Variants in SNTG2 observed in about 807,000 individuals in gnomAD.
SNTG2 encodes the protein syntrophin gamma 2.
Under a neutral mutation model 70.9 loss-of-function variants are expected in SNTG2, and 74 were observed. The observed-to-expected ratio is 1.04, with a 90% CI of 0.86 to 1.27. The LOEUF (loss-of-function observed/expected upper bound fraction) is 1.27. Ranked by LOEUF, SNTG2 falls within the 50% of genes most tolerant of loss-of-function variation. SNTG2 has a pLI of 0.00. For synonymous variants in SNTG2, 278 were observed against 273.8 expected, an observed-to-expected ratio of 1.02 and a Z score of -0.15; for missense variants, 717 against 690.7, an observed-to-expected ratio of 1.04 and a Z score of -0.43.
intron 13 of SNTG2, among the ~76,000 whole-genome samples, chr2:1,266,762 T>TTTTTTTTTC (rs1465377514): frequency 6.8e-6 from 1 of 146,494 alleles, no homozygotes; most frequent in Admixed American, 6.8e-5. Flanking sequence ...TTTTTTTTTT[T>TTTTTTTTTC]TTTCTTGAGA....
intron 8 of SNTG2, among the ~76,000 whole-genome samples, chr2:1,203,614 A>AT (rs1370319317): frequency 6.6e-6 from 1 of 151,116 alleles, no homozygotes; most frequent in Non-Finnish European, 1.5e-5. Flanking sequence ...AGATCACACC[A>AT]TTGCACTCCA....
chr2:993,749 G>T (rs558427057), intron 1 of SNTG2, among the ~76,000 whole-genome samples: 2 of 151,888 alleles, frequency 1.3e-5, no homozygotes, highest in African/African-American at 4.8e-5. Flanking sequence ...TGGTGGCTTT[G>T]ATTTGCATTT....
Position 1,031,960 on chromosome 2 carries a change from TG to T in SNTG2, c.73-51556del, listed in dbSNP as rs748208879. Among the ~76,000 whole-genome samples, 4 of 152,172 alleles carry T rather than the reference TG, an allele frequency of 2.6e-5. No individual in the cohort carries two copies. The East Asian group carries it at 5.8e-4, about 22-fold the overall frequency. ...GGAAATGTTCTAAAATTAGCAGTGA[TG>T]GTTGCACAACTCTGTGAATACAGTA... is the stretch of plus-strand genomic sequence containing the variant. On this transcript the variant is annotated intron_variant, in intron 1 of 16. Coordinates refer to ENST00000308624, the MANE Select transcript of SNTG2 (RefSeq NM_018968.4).
At chr2:1,208,358 G>A (rs774353544) in intron 8 of SNTG2, among the ~76,000 whole-genome samples, 53 of 142,532 alleles carry the variant, frequency 3.7e-4, no homozygotes, top group Middle Eastern at 3.3e-3. Context: ...CGTTCTTGCC[G>A]GTCGCTGGGG....
intron 1 of SNTG2, among the ~76,000 whole-genome samples, chr2:960,486 A>G (rs1368821021): frequency 6.6e-6 from 1 of 152,236 alleles, no homozygotes; most frequent in Non-Finnish European, 1.5e-5. Context: ...CTCAGGGTTC[A>G]GCTGGATGCA....
intron 1 of SNTG2, among the ~76,000 whole-genome samples, chr2:1,030,261 G>T (rs1283489953): frequency 3.9e-5 from 6 of 152,192 alleles, no homozygotes; most frequent in African/African-American, 9.7e-5. Context: ...TGTGCCTGGT[G>T]CAGTGCGTGT....
intron 1 of SNTG2, among the ~76,000 whole-genome samples, chr2:1,008,469 A>G (rs886185762): frequency 8.5e-5 from 13 of 152,210 alleles, no homozygotes; most frequent in Admixed American, 4.6e-4. Flanking sequence ...TCACATGACA[A>G]TCATCACATA....
At chr2:984,858 G>T (rs2147971365) in intron 1 of SNTG2, among the ~76,000 whole-genome samples, 1 of 152,274 alleles carries the variant, frequency 6.6e-6, no homozygotes, top group African/African-American at 2.4e-5. Flanking sequence ...CAAGTCTAAT[G>T]CTTATTTTAT....
intron 16 of SNTG2, among the ~76,000 whole-genome samples, chr2:1,360,035 TTCTA>T (rs1356922145): frequency 7.4e-6 from 1 of 135,662 alleles, no homozygotes; most frequent in African/African-American, 2.7e-5. Flanking sequence ...ACTGAACAAA[TTCTA>T]TCCCATTTTT....
chr2:966,973 AC>A (rs1660590892), intron 1 of SNTG2, among the ~76,000 whole-genome samples: 1 of 152,038 alleles, frequency 6.6e-6, no homozygotes, highest in South Asian at 2.1e-4. Context: ...AAACAAAAAA[AC>A]AAATAATAGT....
chr2:1,222,129 C>CTCTCTGTCTCTCTCTGTCTCTGTCTA (rs1675234472), intron 9 of SNTG2, among the ~76,000 whole-genome samples: 1 of 97,850 alleles, frequency 1.0e-5, no homozygotes, highest in African/African-American at 3.8e-5. Context: ...CTCTCTGTCT[C>CTCTCTGTCTCTCTCTGTCTCTGTCTA]TCTCTGTCTC....
rs567160009 is a variant in SNTG2 at position 960,868 on chromosome 2, G to A, written c.72+9800G>A. Among the ~76,000 whole-genome samples the A allele has an allele frequency of 2.0e-5, 3 of 152,268 alleles. 1 individual carries two copies. In the South Asian group the frequency reaches 6.2e-4, roughly 32 times the overall value. ...GGGCATGGCTGTTGGTTCTGAAGGG[G>A]GTGCTCCTACTGCCTGCTCATGGTC... On this transcript the variant is annotated intron_variant, in intron 1 of 16. Coordinates refer to ENST00000308624, the MANE Select transcript of SNTG2 (RefSeq NM_018968.4).
intron 8 of SNTG2, among the ~76,000 whole-genome samples, chr2:1,193,602 A>AG (rs1417484348): frequency 7.2e-6 from 1 of 138,878 alleles, no homozygotes; most frequent in Non-Finnish European, 1.6e-5. Context: ...TGAATAAAGA[A>AG]GAAAAAAAAA....
chr2:1,211,536 A>G (rs942790639), intron 9 of SNTG2, among the ~76,000 whole-genome samples: 1 of 152,142 alleles, frequency 6.6e-6, no homozygotes, highest in Non-Finnish European at 1.5e-5. Flanking sequence ...ATTTATAAAG[A>G]AAAAGAGGTT....
chr2:1,364,146 A>AT (rs57194458), intron 16 of SNTG2, among the ~76,000 whole-genome samples: 316 of 147,376 alleles, frequency 2.1e-3, no homozygotes, highest in Middle Eastern at 7.0e-3. Context: ...AATTTTTAGT[A>AT]TTTTTTTTTT....
chr2:1,157,773 A>G (rs1669999601), intron 6 of SNTG2, among the ~76,000 whole-genome samples: 2 of 152,180 alleles, frequency 1.3e-5, no homozygotes, highest in Admixed American at 6.5e-5. Flanking sequence ...TCTGGTGTGC[A>G]CAGACTAGAG....
intron 1 of SNTG2, among the ~76,000 whole-genome samples, chr2:1,053,379 A>G (rs1662184168): frequency 6.6e-6 from 1 of 152,198 alleles, no homozygotes; most frequent in African/African-American, 2.4e-5. Context: ...AAACTTTAAT[A>G]ACATATAATT....
Position 1,221,977 on chromosome 2 carries a change from C to G in SNTG2, c.719+12747C>G, listed in dbSNP as rs1360337608. 3.8e-5 allele frequency among the ~76,000 whole-genome samples: 2 copies of G among 52,560 alleles called. 1 individual carries two copies. The highest frequency in any genetic ancestry group is 2.4e-4 in the African/African-American group (2 of 8,304). 34.5% of individuals were successfully genotyped at this position (52,560 alleles called of 152,430 possible). A position where few individuals can be genotyped will look rare whatever the true frequency, so the allele number is the denominator to read the frequency against. ...TCTCTGTCTCTCTCTGTCTCTGTCT[C>G]TGTCTCTCTCTGTCTCTGTCTCTGT... On this transcript the variant is annotated intron_variant, in intron 9 of 16. Coordinates refer to ENST00000308624, the MANE Select transcript of SNTG2 (RefSeq NM_018968.4).
rs907526385 is a variant in SNTG2 at position 1,332,252 on chromosome 2, A to G, written c.1488+15877A>G. 2.0e-5 allele frequency among the ~76,000 whole-genome samples: 3 copies of G among 152,352 alleles called. No individual in the cohort carries two copies. The East Asian group carries it at 5.8e-4, about 29-fold the overall frequency. On this transcript the variant is annotated intron_variant, in intron 16 of 16. Coordinates refer to ENST00000308624, the MANE Select transcript of SNTG2 (RefSeq NM_018968.4). ...CATTCAGAAATTAGGGGAAAATAGA[A>G]ATACAAACAGAACTTACTATAATGT...
Sources: allele counts gnomAD v4.1 joint callset (sites outside exome capture counted in the v4.1 genomes callset), GRCh38; gene constraint gnomAD v4.1.1; transcripts MANE v1.5; gene names NCBI Gene and HGNC (gene_info 2026-07-23, HGNC 2026-07-21).